The following CDH18 variants were observed in gnomAD, a reference collection of about 807,000 sequenced individuals.
The protein encoded by CDH18 is cadherin-18.
A neutral mutation model predicts 67.9 loss-of-function variants in CDH18; 31 were observed. The ratio of observed to expected loss-of-function variants is 0.46; its 90% CI spans 0.34 to 0.62. The LOEUF (loss-of-function observed/expected upper bound fraction) is 0.62. Among genes scored for constraint, CDH18 ranks in the 20% least tolerant of loss-of-function variants. The pLI is 0.01. For synonymous variants in CDH18, 362 were observed against 347.2 expected (o/e 1.04, Z -0.48); for missense variants, 890 against 975.5 (o/e 0.91, Z 1.17).
At chr5:19,917,996 T>TC (rs1327103475) in intron 2 of CDH18, among the ~76,000 whole-genome samples, 2 of 152,180 alleles carry the variant, frequency 1.3e-5, no homozygotes, top group African/African-American at 2.4e-5. Flanking sequence ...AGGTAACCTC[T>TC]GTCTTCAGGA....
chr5:19,789,638 G>T (rs1352436376), intron 3 of CDH18, among the ~76,000 whole-genome samples: 1 of 152,070 alleles, frequency 6.6e-6, no homozygotes, highest in Admixed American at 6.6e-5. Flanking sequence ...AAATAGGCAA[G>T]AAGAGAAGAC....
At chr5:19,475,859 C>A (rs554952140) in intron 12 of CDH18, among the ~76,000 whole-genome samples, 1 of 152,140 alleles carries the variant, frequency 6.6e-6, no homozygotes, top group East Asian at 1.9e-4. Context: ...AAAGAACATA[C>A]TTTCCCCCCA....
intron 2 of CDH18, among the ~76,000 whole-genome samples, chr5:19,903,541 G>GTATGTATATATATATATATA (rs1554060515): frequency 8.0e-6 from 1 of 124,732 alleles, no homozygotes; most frequent in Non-Finnish European, 1.7e-5. Flanking sequence ...GTGTGTGTGT[G>GTATGTATATATATATATATA]TATATATATA....
chr5:19,567,419 C>A (rs79978572), intron 8 of CDH18, among the ~76,000 whole-genome samples: 1,523 of 152,190 alleles, frequency 0.01, 15 homozygotes, highest in African/African-American at 0.029. Context: ...GCTTGCAAAG[C>A]TCAAACTCCC....
chr5:20,063,003 T>TC (rs1377590587), intron 2 of CDH18, among the ~76,000 whole-genome samples: 1 of 149,752 alleles, frequency 6.7e-6, no homozygotes, highest in Non-Finnish European at 1.5e-5. Context: ...TTTTTTTTTT[T>TC]TTTGAGACAG....
At chr5:19,907,508 CAT>C (rs1790664531) in intron 2 of CDH18, among the ~76,000 whole-genome samples, 2 of 151,936 alleles carry the variant, frequency 1.3e-5, no homozygotes, top group Admixed American at 1.3e-4. Flanking sequence ...CAACTGATCA[CAT>C]GAGTCCAGGT....
At chr5:19,594,526 C>A (rs1349562617) in intron 6 of CDH18, among the ~76,000 whole-genome samples, 1 of 152,112 alleles carries the variant, frequency 6.6e-6, no homozygotes, top group Non-Finnish European at 1.5e-5. Flanking sequence ...CTACCTGTGT[C>A]TGGATTTATT....
chr5:19,550,412 A>C (rs1365023001), intron 8 of CDH18, among the ~76,000 whole-genome samples: 110 of 131,776 alleles, frequency 8.3e-4, no homozygotes, highest in Middle Eastern at 3.7e-3. Flanking sequence ...ATCCCTCCCC[A>C]CTCCCCCCAC....
intron 2 of CDH18, among the ~76,000 whole-genome samples, chr5:20,063,874 T>C (rs1372029097): frequency 1.3e-5 from 2 of 152,162 alleles, no homozygotes; most frequent in African/African-American, 4.8e-5. Context: ...TGGACACTCG[T>C]CTGTCTTCAC....
At chr5:19,811,965 A>G (rs1778788158) in intron 3 of CDH18, among the ~76,000 whole-genome samples, 1 of 152,222 alleles carries the variant, frequency 6.6e-6, no homozygotes, top group South Asian at 2.1e-4. Context: ...GCAATCAACA[A>G]CAAAGATATT....
chr5:20,231,956 G>A (rs1486065712), intron 2 of CDH18, among the ~76,000 whole-genome samples: 2 of 151,980 alleles, frequency 1.3e-5, no homozygotes, highest in Non-Finnish European at 1.5e-5. Flanking sequence ...ATAGATGCTA[G>A]AATGTAAAGA....
intron 6 of CDH18, 83 bp downstream of exon 6, chr5:19,612,351 T>G: frequency 7.4e-7 from 1 of 1,350,476 alleles, no homozygotes; most frequent in South Asian, 1.3e-5. Flanking sequence ...AAGAAAACAG[T>G]AACATAACAC....
chr5:19,608,478 A>C (rs886344930), intron 6 of CDH18, among the ~76,000 whole-genome samples: 27 of 151,680 alleles, frequency 1.8e-4, no homozygotes, highest in African/African-American at 6.5e-4. Context: ...TGTACCCATA[A>C]CAATGAAAAT....
chr5:20,430,428 C>G (rs1748649694), intron 1 of CDH18, among the ~76,000 whole-genome samples: 2 of 152,058 alleles, frequency 1.3e-5, no homozygotes, highest in African/African-American at 4.8e-5. Context: ...TTCTATATCC[C>G]AGATTCTCAC....
chr5:19,990,115 T>G (rs1394322374), upstream of CDH18, among the ~76,000 whole-genome samples: 14 of 152,142 alleles, frequency 9.2e-5, no homozygotes, highest in Admixed American at 1.3e-4. Context: ...GAGAATACAT[T>G]TCCAATCTTT....
chr5:19,525,529 C>T (rs188692951), intron 9 of CDH18, among the ~76,000 whole-genome samples: 124 of 152,188 alleles, frequency 8.1e-4, no homozygotes, highest in African/African-American at 2.9e-3. Flanking sequence ...ACAGGAATTA[C>T]GAAAAACAAA....
intron 1 of CDH18, among the ~76,000 whole-genome samples, chr5:20,420,233 C>G (rs1162424328): frequency 6.6e-6 from 1 of 151,232 alleles, no homozygotes; most frequent in Admixed American, 6.6e-5. Flanking sequence ...CTCGCTGATG[C>G]TCTCTGCACG....
At chr5:19,699,252 T>C (rs1420204002) in intron 5 of CDH18, among the ~76,000 whole-genome samples, 1 of 152,182 alleles carries the variant, frequency 6.6e-6, no homozygotes, top group East Asian at 1.9e-4. Context: ...TCCTCATCCA[T>C]ATTGTCTTAT....
At chr5:19,587,249 A>G (rs1307217846) in intron 7 of CDH18, among the ~76,000 whole-genome samples, 1 of 152,098 alleles carries the variant, frequency 6.6e-6, no homozygotes, top group East Asian at 1.9e-4. Flanking sequence ...TGATTTTGCA[A>G]CTAAAATAAA....
Sources: gnomAD v4.1 joint callset for allele counts (sites outside exome capture counted in the v4.1 genomes callset) on GRCh38, gnomAD v4.1.1 for gene constraint, MANE v1.5 for transcripts, NCBI Gene and HGNC (gene_info 2026-07-23, HGNC 2026-07-21) for gene names.